Variants in STAG2 observed in about 807,000 individuals in gnomAD.
STAG2 encodes the protein STAG2 cohesin complex component, also known as cohesin subunit SA-2.
STAG2 carries 14 observed loss-of-function variants against 108.1 expected under a neutral mutation model. The ratio of observed to expected loss-of-function variants is 0.13; its 90% CI spans 0.09 to 0.20. STAG2 has a LOEUF of 0.20. Among genes scored for constraint, STAG2 ranks in the 10% least tolerant of loss-of-function variants. STAG2 has a pLI of 1.00. For synonymous variants in STAG2, 307 were observed against 302.7 expected (o/e 1.01, Z -0.15); for missense variants, 440 against 940.9 (o/e 0.47, Z 6.96).
chrX:124,070,477 A>C (rs2148367180), intron 24 of STAG2, among the ~76,000 whole-genome samples: 1 of 111,903 alleles, frequency 8.9e-6, no homozygotes, highest in East Asian at 2.8e-4. Flanking sequence ...ACAAATAATT[A>C]ATTAGTCTGT....
chrX:124,088,267 CATATGA>C (rs888374023), intron 30 of STAG2, among the ~76,000 whole-genome samples: 1 of 109,793 alleles, frequency 9.1e-6, no homozygotes, highest in African/African-American at 3.3e-5. Flanking sequence ...CATGGAAACA[CATATGA>C]ATTGGTATTT....
chrX:124,022,741 C>A (rs191443586), intron 3 of STAG2, 70 bp downstream of exon 3: 2 of 740,431 alleles, frequency 2.7e-6, no homozygotes, highest in Non-Finnish European at 1.9e-6. Flanking sequence ...GCATTAACTT[C>A]AGTTAAATTT....
chrX:123,996,548 T>C (rs755824774), intron 1 of STAG2, among the ~76,000 whole-genome samples: 55 of 111,539 alleles, frequency 4.9e-4, no homozygotes, highest in African/African-American at 1.7e-3. Flanking sequence ...GTAGTCCTTC[T>C]TTCCTCCCCA....
intron 25 of STAG2, among the ~76,000 whole-genome samples, chrX:124,075,893 G>A (rs1318302399): frequency 9.0e-6 from 1 of 111,427 alleles, no homozygotes; most frequent in Admixed American, 9.6e-5. Context: ...CTGAATATAT[G>A]TACAAAGGAG....
chrX:123,980,096 G>A lies in STAG2; in HGVS notation c.-163+18240G>A, dbSNP rs556120211. Among the ~76,000 whole-genome samples, 3 of 111,855 alleles carry A rather than the reference G, an allele frequency of 2.7e-5. No homozygotes were observed. The South Asian group carries it at 1.1e-3, about 41-fold the overall frequency. On this transcript the variant is annotated intron_variant, in intron 1 of 34. Transcript: ENST00000371145. ...TTTCTTGCAATAATGTGTGTAGTTG[G>A]AACATAGTAGTAATAATATTTTACT... is the stretch of plus-strand genomic sequence containing the variant.
At chrX:124,028,392 A>G (rs1569506843) in intron 4 of STAG2, among the ~76,000 whole-genome samples, 1 of 111,589 alleles carries the variant, frequency 9.0e-6, no homozygotes, top group Non-Finnish European at 1.9e-5. Flanking sequence ...GGTGGGATAC[A>G]GCAGGATGAT....
intron 17 of STAG2, 97 bp from the exon 18 acceptor site, chrX:124,062,805 A>G (rs970470174): frequency 6.5e-6 from 4 of 612,921 alleles, no homozygotes; most frequent in African/African-American, 4.6e-5. Context: ...CTCTTAAAAT[A>G]TAGTTTTAGT....
chrX:123,986,584 T>G (rs1356988835), intron 1 of STAG2, among the ~76,000 whole-genome samples: 1 of 111,709 alleles, frequency 9.0e-6, no homozygotes, highest in Non-Finnish European at 1.9e-5. Flanking sequence ...ACCCTGTTGT[T>G]TACTAATCTG....
intron 29 of STAG2, among the ~76,000 whole-genome samples, chrX:124,085,520 G>A (rs1052532934): frequency 5.4e-5 from 6 of 110,567 alleles, no homozygotes; most frequent in Non-Finnish European, 9.4e-5. Context: ...CGGGTGCCGC[G>A]GCTCACACCT....
In STAG2 at chrX:124,030,930, A is replaced by G. The variant is rs776473490; in HGVS notation, c.124-31A>G. On this transcript the variant is annotated intron_variant, in intron 4 of 34. Transcript: ENST00000371145. ...GTTTTGAACTCTCAAGGATAGTGATATAACTTAACCACCTCGTATTTTTTA... is the reference window on the plus strand; with the variant it reads ...GTTTTGAACTCTCAAGGATAGTGATGTAACTTAACCACCTCGTATTTTTTA... 6.0e-6 allele frequency: 7 copies of G among 1,169,416 alleles called. No individual in the cohort carries two copies. The South Asian group carries it at 1.4e-4, about 24-fold the overall frequency.
intron 1 of STAG2, among the ~76,000 whole-genome samples, chrX:123,977,840 T>G (rs1012475677): frequency 1.4e-3 from 123 of 86,414 alleles, no homozygotes; most frequent in African/African-American, 5.2e-3. Flanking sequence ...GTGTTTTTTT[T>G]TTTTTTTTTT....
chrX:123,982,964 A>G (rs922224817), intron 1 of STAG2, among the ~76,000 whole-genome samples: 7 of 111,093 alleles, frequency 6.3e-5, no homozygotes, highest in Non-Finnish European at 9.4e-5. Context: ...CTGAAGTTAT[A>G]TTGTTTTCTA....
chrX:124,063,934 C>T lies in STAG2; in HGVS notation c.1908C>T (p.Tyr636=), dbSNP rs1569515952. The T allele has an allele frequency of 8.3e-7, 1 of 1,206,824 alleles. No individual in the cohort carries two copies. Among genetic ancestry groups the T allele is most frequent in the Non-Finnish European group, 1.1e-6 (1 of 891,096 alleles). The change falls in exon 20 of 35, where the codon TAC becomes TAT. Residue 636 remains tyrosine, a synonymous_variant. Transcript: ENST00000371145. ...TTTTGGAAGCATGTTCTAAAACTTA[C>T]CATGCACTCTGTAATGAAGAGTTCA... ...TDVLEACSKT[Y]HALCNEEFTI...
At chrX:124,058,703 G>A (rs959696914) in intron 15 of STAG2, among the ~76,000 whole-genome samples, 6 of 111,794 alleles carry the variant, frequency 5.4e-5, no homozygotes, top group Non-Finnish European at 1.1e-4. Context: ...GATTTCAGAT[G>A]TTGGTACCTG....
rs753758963 is a variant in STAG2, at chrX:124,071,086, G to A, written c.2359-63G>A. 41 of 846,710 alleles carry A rather than the reference G, an allele frequency of 4.8e-5. No homozygotes were observed. In the East Asian group the frequency reaches 1.5e-3, roughly 31 times the overall value. 69.8% of individuals were successfully genotyped at this position (846,710 alleles called of 1,213,427 possible). A position where few individuals can be genotyped will look rare whatever the true frequency, so the allele number is the denominator to read the frequency against. On this transcript the variant is annotated intron_variant, in intron 24 of 34. Transcript: ENST00000371145. Reference sequence around the variant, plus strand: ...TCTGTGTTAAATATGTAAATTATTTGTGGCAGTTAGTGAGAAACCTTGGAT... The same window carrying A: ...TCTGTGTTAAATATGTAAATTATTTATGGCAGTTAGTGAGAAACCTTGGAT...
At chrX:124,058,446 C>T (rs192160816) in intron 15 of STAG2, among the ~76,000 whole-genome samples, 78 of 112,434 alleles carry the variant, frequency 6.9e-4, no homozygotes, top group South Asian at 5.4e-3. Flanking sequence ...CCACTGCGCC[C>T]GGTCACTTTC....
chrX:124,029,934 C>T (rs2057278943), intron 4 of STAG2, among the ~76,000 whole-genome samples: 1 of 111,092 alleles, frequency 9.0e-6, no homozygotes, highest in African/African-American at 3.3e-5. Context: ...GGAACCTTTT[C>T]ACTGATTTTT....
chrX:124,017,970 TAAGC>T (rs2056788889), intron 1 of STAG2, among the ~76,000 whole-genome samples: 1 of 112,231 alleles, frequency 8.9e-6, no homozygotes, highest in African/African-American at 3.2e-5. Context: ...CATGTGAACT[TAAGC>T]AAGTAGTTTT....
chrX:123,986,131 A>G (rs1478825002), intron 1 of STAG2, among the ~76,000 whole-genome samples: 2 of 106,157 alleles, frequency 1.9e-5, no homozygotes, highest in Admixed American at 2.1e-4. Context: ...ATATACATAT[A>G]TGTATCATAT....
Sources: gnomAD v4.1 joint callset for allele counts (sites outside exome capture counted in the v4.1 genomes callset) on GRCh38, gnomAD v4.1.1 for gene constraint, MANE v1.5 for transcripts, NCBI Gene and HGNC (gene_info 2026-07-23, HGNC 2026-07-21) for gene names.